FHIT: variants seen among roughly 807,000 people sequenced by gnomAD.
FHIT encodes the protein fragile histidine triad diadenosine triphosphatase.
A neutral mutation model predicts 17.9 loss-of-function variants in FHIT; 19 were observed. The observed-to-expected ratio is 1.06, with a 90% confidence interval of 0.74 to 1.56. The LOEUF (loss-of-function observed/expected upper bound fraction) is 1.56, where lower values mean the gene tolerates loss of function less well. FHIT is among the 40% of genes most tolerant of loss of function. FHIT has a pLI of 0.00. For missense variants in FHIT, 248 were observed against 189.2 expected, an observed-to-expected ratio of 1.31 and a Z score of -1.82; for synonymous variants, 81 against 69.7, an observed-to-expected ratio of 1.16 and a Z score of -0.81.
intron 5 of FHIT, among the ~76,000 whole-genome samples, chr3:60,028,721 A>C (rs924050999): frequency 6.6e-6 from 1 of 152,230 alleles, no homozygotes; most frequent in African/African-American, 2.4e-5. Flanking sequence ...TGGGAATGCC[A>C]ATTGCGCTGA....
intron 8 of FHIT, among the ~76,000 whole-genome samples, chr3:59,795,245 C>T (rs1273939932): frequency 6.6e-6 from 1 of 151,946 alleles, no homozygotes; most frequent in Admixed American, 6.6e-5. Flanking sequence ...AATTAGCTGG[C>T]CATTGGTGGG....
chr3:60,257,868 G>A (rs998776940), intron 5 of FHIT, among the ~76,000 whole-genome samples: 3 of 152,030 alleles, frequency 2.0e-5, no homozygotes, highest in Non-Finnish European at 4.4e-5. Flanking sequence ...CACATGGCGG[G>A]AACAAAACAA....
Position 60,483,276 on chromosome 3 carries a change from C to G in FHIT, c.103+53584G>C, listed in dbSNP as rs184618295. Among the ~76,000 whole-genome samples the G allele has an allele frequency of 1.1e-3, 174 of 152,322 alleles. 2 individuals carry two copies. The highest frequency in any genetic ancestry group is 4.1e-3 in the African/African-American group (172 of 41,586). On this transcript the variant is annotated intron_variant, in intron 5 of 9. Coordinates refer to ENST00000492590, the MANE Select transcript of FHIT (RefSeq NM_002012.4). Reference sequence around the variant, plus strand: ...CAAAGAGGAACTGGTGTCATTCCTTCTGAAACTATTCCAAACAGTTGAAAA... The same window carrying G: ...CAAAGAGGAACTGGTGTCATTCCTTGTGAAACTATTCCAAACAGTTGAAAA...
chr3:59,798,238 C>T (rs567267132), intron 8 of FHIT, among the ~76,000 whole-genome samples: 2 of 152,254 alleles, frequency 1.3e-5, no homozygotes, highest in Admixed American at 6.5e-5. Flanking sequence ...GCACCTACGC[C>T]GCCCAGCAAT....
intron 5 of FHIT, among the ~76,000 whole-genome samples, chr3:60,432,917 C>CT (rs5849363): frequency 0.56 from 82,643 of 148,708 alleles, 23,565 homozygotes; most frequent in Non-Finnish European, 0.64. Flanking sequence ...GAAGAATTGT[C>CT]TTTTTTTTTT....
At chr3:59,928,791 T>A (rs1369489786) in intron 7 of FHIT, among the ~76,000 whole-genome samples, 1 of 151,954 alleles carries the variant, frequency 6.6e-6, no homozygotes, top group African/African-American at 2.4e-5. Flanking sequence ...GGTCAGGAGT[T>A]CGAGACCAGC....
intron 5 of FHIT, among the ~76,000 whole-genome samples, chr3:60,164,291 G>T (rs972890640): frequency 1.3e-5 from 2 of 152,156 alleles, no homozygotes; most frequent in Admixed American, 6.5e-5. Context: ...GCACAAACAG[G>T]TGTCAGAATG....
chr3:60,609,307 T>A (rs1553672471), intron 4 of FHIT, among the ~76,000 whole-genome samples: 1 of 150,242 alleles, frequency 6.7e-6, no homozygotes, highest in East Asian at 2.0e-4. Flanking sequence ...TGCACAGAGT[T>A]CAGCCTTTTG....
chr3:59,908,260 T>C (rs529542680), intron 8 of FHIT, among the ~76,000 whole-genome samples: 41 of 152,352 alleles, frequency 2.7e-4, no homozygotes, highest in Middle Eastern at 6.8e-3. Flanking sequence ...ATTCTGGTAG[T>C]ACACAGCTTT....
chr3:60,815,999 G>T (rs1398842022), intron 4 of FHIT, among the ~76,000 whole-genome samples: 1 of 151,746 alleles, frequency 6.6e-6, no homozygotes, highest in Non-Finnish European at 1.5e-5. Context: ...ATTTTTTCAG[G>T]CTATTGTAAA....
intron 2 of FHIT, among the ~76,000 whole-genome samples, chr3:61,068,266 T>C (rs1469056431): frequency 6.6e-6 from 1 of 152,152 alleles, no homozygotes; most frequent in African/African-American, 2.4e-5. Context: ...TAAGGAAGAA[T>C]GTTTCCTTGC....
intron 8 of FHIT, among the ~76,000 whole-genome samples, chr3:59,895,775 T>C (rs1265866476): frequency 6.6e-6 from 1 of 152,240 alleles, no homozygotes; most frequent in Admixed American, 6.5e-5. Flanking sequence ...GTTAAAGGCG[T>C]TAATCAGATT....
intron 2 of FHIT, among the ~76,000 whole-genome samples, chr3:61,092,252 C>G (rs1200042396): frequency 1.3e-5 from 2 of 152,022 alleles, no homozygotes. Context: ...GAAAAATCTA[C>G]TTTATAACTC....
chr3:60,536,006 T>C (rs1053443832), intron 5 of FHIT: 8 of 152,290 alleles, frequency 5.3e-5, no homozygotes, highest in Admixed American at 2.6e-4. Flanking sequence ...AAAATACTTA[T>C]TATCTGAAAA....
intron 4 of FHIT, chr3:60,730,367 G>T: frequency 4.1e-6 from 1 of 245,926 alleles, no homozygotes; most frequent in Non-Finnish European, 9.0e-6. Flanking sequence ...GTGGACACTC[G>T]GTCACTAAAA....
chr3:60,175,350 C>A (rs561216612), intron 5 of FHIT, among the ~76,000 whole-genome samples: 2 of 152,034 alleles, frequency 1.3e-5, no homozygotes, highest in Non-Finnish European at 2.9e-5. Flanking sequence ...TAGGGTGAAC[C>A]CCCTGCTATT....
At chr3:60,308,506 A>G (rs199867231) in intron 5 of FHIT, among the ~76,000 whole-genome samples, 3,101 of 70,580 alleles carry the variant, frequency 0.044, 58 homozygotes, top group Middle Eastern at 0.082. Context: ...GTATATATAT[A>G]TATATATATA....
chr3:60,374,483 A>T (rs1482072309), intron 5 of FHIT, among the ~76,000 whole-genome samples: 3 of 151,796 alleles, frequency 2.0e-5, no homozygotes, highest in Non-Finnish European at 4.4e-5. Context: ...GAAAAAAAAC[A>T]CGTTAATGTG....
intron 3 of FHIT, among the ~76,000 whole-genome samples, chr3:60,846,705 T>G (rs73092704): frequency 1.3e-5 from 2 of 152,222 alleles, no homozygotes; most frequent in Non-Finnish European, 2.9e-5. Context: ...GGTGATGAAG[T>G]GCAAAGCTGT....
Sources: allele counts gnomAD v4.1 joint callset (sites outside exome capture counted in the v4.1 genomes callset), GRCh38; gene constraint gnomAD v4.1.1; transcripts MANE v1.5; gene names NCBI Gene and HGNC (gene_info 2026-07-23, HGNC 2026-07-21).